PDGFD: variants seen among roughly 807,000 people sequenced by gnomAD.
The protein encoded by PDGFD is platelet derived growth factor D.
Under a neutral mutation model 44.7 loss-of-function variants are expected in PDGFD, and 30 were observed. The observed-to-expected ratio is 0.67, with a 90% CI of 0.50 to 0.91. PDGFD has a LOEUF of 0.91. Ranked by LOEUF, PDGFD falls within the 40% of genes least tolerant of loss-of-function variation. The pLI is 0.00. For synonymous variants in PDGFD, 173 were observed against 168.4 expected (o/e 1.03, Z -0.21); for missense variants, 445 against 457.8 (o/e 0.97, Z 0.25).
chr11:103,982,364 C>T lies in PDGFD; in HGVS notation c.510+13701G>A, dbSNP rs183441346. On this transcript the variant is annotated intron_variant, in intron 3 of 6. Transcript: ENST00000393158. ...GTTAAATATTTTGAGGCCTGCTGAGCGCAATGCACAGTAATAGACGCTGCA... is the reference window on the plus strand; with the variant it reads ...GTTAAATATTTTGAGGCCTGCTGAGTGCAATGCACAGTAATAGACGCTGCA... Among the ~76,000 whole-genome samples the T allele has an allele frequency of 2.2e-3, 327 of 151,834 alleles. 6 individuals are homozygous for T. Among genetic ancestry groups the T allele is most frequent in the South Asian group, 4.1e-4 (2 of 4,822 alleles).
At chr11:103,930,621 C>T (rs1253098933) in intron 5 of PDGFD, among the ~76,000 whole-genome samples, 1 of 151,860 alleles carries the variant, frequency 6.6e-6, no homozygotes, top group Admixed American at 6.6e-5. Context: ...TGAATCCAGG[C>T]CTCTTCATGC....
intron 1 of PDGFD, among the ~76,000 whole-genome samples, chr11:104,141,398 A>AT (rs201627878): frequency 2.9e-4 from 36 of 123,282 alleles, no homozygotes; most frequent in African/African-American, 1.3e-3. Flanking sequence ...GATTTAATTT[A>AT]ATTTTTTTTT....
At chr11:104,070,983 G>C (rs868227177) in intron 1 of PDGFD, among the ~76,000 whole-genome samples, 1 of 152,030 alleles carries the variant, frequency 6.6e-6, no homozygotes, top group African/African-American at 2.4e-5. Context: ...CCCTCTATAA[G>C]TTGTACCAAT....
At chr11:103,980,760 T>C (rs1388697032) in intron 3 of PDGFD, among the ~76,000 whole-genome samples, 1 of 152,026 alleles carries the variant, frequency 6.6e-6, no homozygotes, top group Non-Finnish European at 1.5e-5. Context: ...AGCAACCTTA[T>C]GAAAGCAACC....
chr11:103,954,442 C>T (rs1012678649), intron 3 of PDGFD, among the ~76,000 whole-genome samples: 1 of 152,150 alleles, frequency 6.6e-6, no homozygotes, highest in Non-Finnish European at 1.5e-5. Context: ...CTGGATCTCA[C>T]GGAGGGTGGC....
intron 3 of PDGFD, among the ~76,000 whole-genome samples, chr11:103,972,268 G>A (rs1859116117): frequency 6.6e-6 from 1 of 152,136 alleles, no homozygotes; most frequent in Non-Finnish European, 1.5e-5. Context: ...CCCACCAGAT[G>A]CCAGTAGCAC....
intron 1 of PDGFD, among the ~76,000 whole-genome samples, chr11:104,021,316 A>G (rs1248882682): frequency 2.6e-5 from 4 of 152,170 alleles, no homozygotes; most frequent in African/African-American, 9.7e-5. Context: ...ATGATATGAT[A>G]GATTGCATTA....
chr11:104,102,243 G>C (rs936061933), intron 1 of PDGFD, among the ~76,000 whole-genome samples: 27 of 151,698 alleles, frequency 1.8e-4, no homozygotes, highest in East Asian at 5.8e-4. Context: ...AAAAAACAAA[G>C]AACCCCATCA....
chr11:104,082,327 C>G (rs1043372249), intron 1 of PDGFD, among the ~76,000 whole-genome samples: 1 of 151,648 alleles, frequency 6.6e-6, no homozygotes, highest in African/African-American at 2.4e-5. Context: ...TTCATTATTT[C>G]CCATGGGTTT....
At chr11:104,127,942 T>C (rs1352102129) in intron 1 of PDGFD, among the ~76,000 whole-genome samples, 1 of 152,146 alleles carries the variant, frequency 6.6e-6, no homozygotes, top group Non-Finnish European at 1.5e-5. Flanking sequence ...TTTGCCTCTC[T>C]CCATTCCTGT....
intron 6 of PDGFD, among the ~76,000 whole-genome samples, chr11:103,911,602 G>T (rs1322120904): frequency 1.3e-5 from 2 of 151,998 alleles, no homozygotes; most frequent in Non-Finnish European, 2.9e-5. Flanking sequence ...TCGCCAGCAA[G>T]GGAACAAAAC....
At chr11:104,066,298 A>C (rs1459817465) in intron 1 of PDGFD, among the ~76,000 whole-genome samples, 1 of 152,190 alleles carries the variant, frequency 6.6e-6, no homozygotes, top group Non-Finnish European at 1.5e-5. Context: ...AAAATACTGA[A>C]AAATCACTCA....
intron 1 of PDGFD, among the ~76,000 whole-genome samples, chr11:104,072,222 C>A (rs1252305491): frequency 6.6e-6 from 1 of 151,842 alleles, no homozygotes; most frequent in Non-Finnish European, 1.5e-5. Context: ...AGTATCCTAT[C>A]TCAAAACAAG....
At position 104,101,677 on chromosome 11, in the gene PDGFD, T is replaced by C. The variant is rs185244480; in HGVS notation, c.124+62127A>G. 2.2e-3 allele frequency among the ~76,000 whole-genome samples: 339 copies of C among 152,140 alleles called. 2 individuals carry two copies. Among genetic ancestry groups the C allele is most frequent in the African/African-American group, 7.0e-3 (289 of 41,478 alleles). ...CAGCATGCTACCTGACTTCAAACTA[T>C]ACTACAAGGCTACAGTAACCAAAAC... On this transcript the variant is annotated intron_variant, in intron 1 of 6. Coordinates refer to ENST00000393158, the MANE Select transcript of PDGFD (RefSeq NM_025208.5).
chr11:103,962,677 A>C (rs1030547497), intron 3 of PDGFD, among the ~76,000 whole-genome samples: 1 of 152,168 alleles, frequency 6.6e-6, no homozygotes, highest in African/African-American at 2.4e-5. Flanking sequence ...CAGAGCACTC[A>C]ATTGAATTAC....
intron 5 of PDGFD, among the ~76,000 whole-genome samples, chr11:103,937,096 G>C (rs926967923): frequency 1.2e-4 from 18 of 152,246 alleles, no homozygotes; most frequent in African/African-American, 4.3e-4. Flanking sequence ...AAAGTGTTGG[G>C]ATCACAGCAG....
chr11:103,924,252 C>G (rs1184894090), intron 6 of PDGFD, among the ~76,000 whole-genome samples: 1 of 152,214 alleles, frequency 6.6e-6, no homozygotes. Context: ...CTTGAATGTT[C>G]TTCCTCACAG....
intron 3 of PDGFD, among the ~76,000 whole-genome samples, chr11:103,955,637 C>A (rs974708527): frequency 6.6e-6 from 1 of 152,136 alleles, no homozygotes; most frequent in African/African-American, 2.4e-5. Context: ...ATATTTAATA[C>A]AAGGATATCA....
In PDGFD at chr11:104,052,751, C is replaced by A. The variant is rs923693983; in HGVS notation, c.125-52496G>T. 8.5e-5 allele frequency among the ~76,000 whole-genome samples: 13 copies of A among 152,208 alleles called. No individual in the cohort carries two copies. In the East Asian group the frequency reaches 2.5e-3, roughly 29 times the overall value. Reference sequence around the variant, plus strand: ...TTTCTAAACTGATACCCTCATCCACCCCAGGGCTTGTGGAACTGGTTGCTT... The same window carrying A: ...TTTCTAAACTGATACCCTCATCCACACCAGGGCTTGTGGAACTGGTTGCTT... On this transcript the variant is annotated intron_variant, in intron 1 of 6. Coordinates refer to ENST00000393158, the MANE Select transcript of PDGFD (RefSeq NM_025208.5).
Sources: allele counts gnomAD v4.1 joint callset (sites outside exome capture counted in the v4.1 genomes callset), GRCh38; gene constraint gnomAD v4.1.1; transcripts MANE v1.5; gene names NCBI Gene and HGNC (gene_info 2026-07-23, HGNC 2026-07-21).